Variants in CDK14 observed in about 807,000 individuals in gnomAD.
CDK14 encodes cyclin dependent kinase 14, also known as cyclin-dependent kinase 14.
In CDK14, 34 loss-of-function variants were observed where a neutral mutation model predicts 60.7. The ratio of observed to expected loss-of-function variants is 0.56; its 90% CI spans 0.43 to 0.75. The LOEUF (loss-of-function observed/expected upper bound fraction) is 0.75, where lower values mean the gene tolerates loss of function less well. CDK14 is among the 30% of genes least tolerant of loss of function. The probability of loss-of-function intolerance (pLI) is 0.00; values close to 1 mark genes in which losing one functional copy is unlikely to be tolerated. For synonymous variants in CDK14, 197 were observed against 203.7 expected (o/e 0.97, Z 0.28); for missense variants, 482 against 564.1 (o/e 0.85, Z 1.47).
At chr7:91,071,991 G>A (rs1375273183) in intron 11 of CDK14, among the ~76,000 whole-genome samples, 1 of 152,196 alleles carries the variant, frequency 6.6e-6, no homozygotes, top group East Asian at 1.9e-4. Flanking sequence ...CTCCAGGCAG[G>A]GGCTCAGGGG....
At chr7:90,975,241 G>T (rs772063636) in intron 9 of CDK14, among the ~76,000 whole-genome samples, 1 of 151,798 alleles carries the variant, frequency 6.6e-6, no homozygotes, top group Non-Finnish European at 1.5e-5. Context: ...CCCTACCCTT[G>T]CCCCAAATAT....
intron 9 of CDK14, among the ~76,000 whole-genome samples, chr7:90,963,975 A>G (rs1373611989): frequency 6.6e-6 from 1 of 152,066 alleles, no homozygotes; most frequent in Non-Finnish European, 1.5e-5. Context: ...CGGTCTCCCA[A>G]AGTGCTGGGA....
chr7:90,986,560 G>C (rs1455649010), intron 10 of CDK14, among the ~76,000 whole-genome samples: 1 of 151,658 alleles, frequency 6.6e-6, no homozygotes, highest in African/African-American at 2.4e-5. Flanking sequence ...AAACATGTTT[G>C]GTTTTTTGTT....
intron 5 of CDK14, among the ~76,000 whole-genome samples, chr7:90,841,671 C>T (rs1169557337): frequency 6.6e-6 from 1 of 151,226 alleles, no homozygotes; most frequent in Non-Finnish European, 1.5e-5. Context: ...CACACACACA[C>T]ACACACACAC....
rs928737794 is a variant in CDK14, at chr7:90,726,348, T to C, written c.124-219T>C. The C allele has an allele frequency of 9.4e-6, 9 of 962,416 alleles. No individual in the cohort carries two copies. The African/African-American group carries it at 1.4e-4, about 15-fold the overall frequency. 59.6% of individuals were successfully genotyped at this position (962,416 alleles called of 1,614,324 possible). On this transcript the variant is annotated intron_variant, in intron 2 of 14. Transcript: ENST00000380050. ...TTAAGTTTCTCATTTTAGAGGTAGA[T>C]TTTTTAGTGTAAGCTCTAGTGTGAG...
chr7:91,200,141 C>A (rs918623994), intron 14 of CDK14, among the ~76,000 whole-genome samples: 1 of 152,136 alleles, frequency 6.6e-6, no homozygotes, highest in African/African-American at 2.4e-5. Context: ...ACATTAAATT[C>A]ACTCAAAGAA....
intron 2 of CDK14, among the ~76,000 whole-genome samples, chr7:90,667,575 C>CT (rs1165434635): frequency 0.022 from 3,139 of 143,786 alleles, 115 homozygotes; most frequent in African/African-American, 0.07. Context: ...TGTATCCGTA[C>CT]TTTTTTTTTT....
chr7:90,923,449 A>C (rs1245118671), intron 8 of CDK14, among the ~76,000 whole-genome samples: 1 of 152,172 alleles, frequency 6.6e-6, no homozygotes. Flanking sequence ...TTTAAGCTGT[A>C]AATGGGAACA....
intron 2 of CDK14, among the ~76,000 whole-genome samples, chr7:90,627,671 A>G (rs1799905559): frequency 6.6e-6 from 1 of 152,204 alleles, no homozygotes; most frequent in African/African-American, 2.4e-5. Context: ...CCTTTGTTAG[A>G]AAAACTAATT....
intron 12 of CDK14, 49 bp downstream of exon 12, chr7:91,079,529 A>AT: frequency 7.9e-7 from 1 of 1,265,332 alleles, no homozygotes; most frequent in African/African-American, 1.5e-5. Context: ...CTCTTTTAAT[A>AT]TTTACAACTC....
At chr7:91,077,348 G>C (rs74746192) in intron 11 of CDK14, among the ~76,000 whole-genome samples, 1 of 152,106 alleles carries the variant, frequency 6.6e-6, no homozygotes, top group African/African-American at 2.4e-5. Context: ...CCTTTGCAGG[G>C]ACATGGATGA....
intron 2 of CDK14, among the ~76,000 whole-genome samples, chr7:90,718,809 AT>A (rs957717517): frequency 6.6e-6 from 1 of 152,148 alleles, no homozygotes; most frequent in African/African-American, 2.4e-5. Flanking sequence ...GATTTGACAG[AT>A]TTAAGTTATA....
chr7:90,901,689 T>TAC (rs1554370400), intron 7 of CDK14, among the ~76,000 whole-genome samples: 84 of 150,110 alleles, frequency 5.6e-4, no homozygotes, highest in East Asian at 1.4e-3. Flanking sequence ...TATATATATA[T>TAC]ACACACACAC....
rs1801316707 is a variant in CDK14, at chr7:91,165,467, G to A, written c.*29-41698G>A. 6.0e-5 allele frequency among the ~76,000 whole-genome samples: 9 copies of A among 150,526 alleles called. No homozygotes were observed. In the South Asian group the frequency reaches 1.7e-3, roughly 28 times the overall value. On this transcript the variant is annotated intron_variant, in intron 14 of 14. Transcript: ENST00000380050. ...CCATTTAATCTCCGTGGGGCCTCTG[G>A]TTCCCTTTTGTGGAATGAGGAGAGA...
At chr7:91,121,560 A>G (rs530324603) in intron 14 of CDK14, among the ~76,000 whole-genome samples, 1 of 152,202 alleles carries the variant, frequency 6.6e-6, no homozygotes, top group East Asian at 1.9e-4. Flanking sequence ...CCAGATTTGC[A>G]TAAATTGGTC....
chr7:90,792,543 T>G (rs1805875090), intron 5 of CDK14, among the ~76,000 whole-genome samples: 1 of 152,132 alleles, frequency 6.6e-6, no homozygotes, highest in Non-Finnish European at 1.5e-5. Context: ...TCTCCCTGTA[T>G]TAGTAATAGC....
At chr7:90,657,599 A>C (rs714351) in intron 2 of CDK14, among the ~76,000 whole-genome samples, 5,084 of 152,304 alleles carry the variant, frequency 0.033, 141 homozygotes, top group East Asian at 0.077. Context: ...AAGCATGTGA[A>C]ATGTGGCTCA....
intron 2 of CDK14, among the ~76,000 whole-genome samples, chr7:90,684,747 C>G (rs1257901598): frequency 6.6e-6 from 1 of 152,058 alleles, no homozygotes; most frequent in East Asian, 1.9e-4. Flanking sequence ...ACCATCACAC[C>G]GTGTTTATGG....
At chr7:91,127,018 G>C (rs1015538176) in intron 14 of CDK14, among the ~76,000 whole-genome samples, 6 of 152,060 alleles carry the variant, frequency 3.9e-5, no homozygotes, top group African/African-American at 1.4e-4. Flanking sequence ...TCATGACTTC[G>C]AGGCAGGGGG....
Sources: allele counts gnomAD v4.1 joint callset (sites outside exome capture counted in the v4.1 genomes callset), GRCh38; gene constraint gnomAD v4.1.1; transcripts MANE v1.5; gene names NCBI Gene and HGNC (gene_info 2026-07-23, HGNC 2026-07-21).